The following WASHC5 variants were observed in gnomAD, a reference collection of about 807,000 sequenced individuals.
WASHC5 encodes the protein WASH complex subunit 5.
A neutral mutation model predicts 150.4 loss-of-function variants in WASHC5; 101 were observed. The ratio of observed to expected loss-of-function variants is 0.67; its 90% CI spans 0.57 to 0.79. The LOEUF is 0.79. Ranked by LOEUF, WASHC5 falls within the 30% of genes least tolerant of loss-of-function variation. The pLI, the probability that WASHC5 is intolerant of heterozygous loss-of-function variation, is 0.00. For synonymous variants in WASHC5, 467 were observed against 491.2 expected (o/e 0.95, Z 0.65); for missense variants, 1,195 against 1,396.3 (o/e 0.86, Z 2.30).
intron 26 of WASHC5, among the ~76,000 whole-genome samples, chr8:125,033,731 T>C (rs916412839): frequency 6.6e-6 from 1 of 151,996 alleles, no homozygotes; most frequent in Non-Finnish European, 1.5e-5. Flanking sequence ...GTGTTTTTAG[T>C]AGAGACGGGT....
chr8:125,076,424 T>C lies in WASHC5; in HGVS notation c.788A>G (p.Tyr263Cys), dbSNP rs202223127. 2.5e-6 allele frequency: 4 copies of C among 1,613,908 alleles called. No individual in the cohort carries two copies. The highest frequency in any genetic ancestry group is 3.4e-6 in the Non-Finnish European group (4 of 1,179,954). Residue 263 changes from tyrosine (Y) to cysteine (C), a missense_variant, in exon 7 of 29, where the codon TAC (tyrosine) becomes TGC (cysteine). This residue lies in a region of WASHC5 where 997 missense variants were observed against 1,168.1 expected (regional missense o/e 0.85). Transcript: ENST00000318410. ...NQAAMLYVIL[Y>C]FEPSILHTHQ... ...GGTGTGAAGGATGGAAGGCTCAAAGTAGAGAATCACGTACAGCATGGCAGC... is the reference window on the plus strand; with the variant it reads ...GGTGTGAAGGATGGAAGGCTCAAAGCAGAGAATCACGTACAGCATGGCAGC...
chr8:125,055,919 A>C (rs909740126), intron 16 of WASHC5, among the ~76,000 whole-genome samples: 1 of 152,184 alleles, frequency 6.6e-6, no homozygotes, highest in African/African-American at 2.4e-5. Flanking sequence ...CATGTCTAAA[A>C]TTTGGGGCAG....
At chr8:125,037,175 TTTAG>T (rs1428683644) in intron 26 of WASHC5, 58 bp downstream of exon 26, 4 of 939,550 alleles carry the variant, frequency 4.3e-6, no homozygotes, top group Non-Finnish European at 7.0e-6. Flanking sequence ...CAAAAAGCTA[TTTAG>T]TTAAATGTTA....
intron 18 of WASHC5, among the ~76,000 whole-genome samples, 195 bp from the exon 19 acceptor site, chr8:125,049,380 G>A (rs1053553171): frequency 6.6e-6 from 1 of 150,866 alleles, no homozygotes; most frequent in Non-Finnish European, 1.5e-5. Flanking sequence ...CCAACGTTGC[G>A]AAACCCTGAC....
At chr8:125,034,730 ACAAGTGATCCTGAATAACCTAACCTAG>A (rs1815648491) in intron 26 of WASHC5, among the ~76,000 whole-genome samples, 1 of 152,194 alleles carries the variant, frequency 6.6e-6, no homozygotes, top group South Asian at 2.1e-4. Flanking sequence ...AGAAGCCTAA[ACAAGTGATCCTGAATAACCTAACCTAG>A]GCCTTGGCAA....
At position 125,076,470 on chromosome 8, in the gene WASHC5, T is replaced by G; in HGVS notation, c.742A>C (p.Ser248Arg). 2 of 1,614,030 alleles carry G rather than the reference T, an allele frequency of 1.2e-6. No individual in the cohort carries two copies. Among genetic ancestry groups the G allele is most frequent in the Non-Finnish European group, 1.7e-6 (2 of 1,179,962 alleles). The part of the protein sequence containing the change: ...VSAYPLPEHR[S>R]TALANQAAML... The stretch of plus-strand genomic sequence containing the variant: ...GCAGCTTGGTTTGCCAGGGCTGTGC[T>G]GCGATGCTCCGGCAAAGGATACGCT... The change falls in exon 7 of 29, where the codon AGC (serine) becomes CGC (arginine). Residue 248 changes from serine (S) to arginine (R), a missense_variant. Coordinates refer to ENST00000318410, the MANE Select transcript of WASHC5 (RefSeq NM_014846.4).
chr8:125,083,933 TG>T lies in WASHC5; in HGVS notation c.-36del. On this transcript the variant is annotated 5_prime_UTR_variant, in exon 2 of 29. Transcript: ENST00000318410. ...GACCGACTACTCTGTGCCTGGACAC[TG>T]GGGATGATTAACTGGCCTCAGAGCT... The T allele has an allele frequency of 6.3e-7, 1 of 1,599,458 alleles. No homozygotes were observed. The highest frequency in any genetic ancestry group is 8.6e-7 in the Non-Finnish European group (1 of 1,169,192).
At chr8:125,079,135 T>TATATATATATATATATATACATAC in intron 5 of WASHC5, among the ~76,000 whole-genome samples, 1 of 117,486 alleles carries the variant, frequency 8.5e-6, no homozygotes, top group South Asian at 3.0e-4. Flanking sequence ...TATATATATA[T>TATATATATATATATATATACATAC]ATATACATTT....
chr8:125,082,739 T>C (rs908334017), intron 3 of WASHC5: 4 of 418,044 alleles, frequency 9.6e-6, no homozygotes, highest in Non-Finnish European at 1.7e-5. Context: ...ACATGGAATA[T>C]CTAGTCTAAA....
intron 23 of WASHC5, among the ~76,000 whole-genome samples, chr8:125,042,894 T>C (rs1048660533): frequency 2.6e-5 from 4 of 152,168 alleles, no homozygotes; most frequent in Admixed American, 6.6e-5. Flanking sequence ...ACCAAAATTA[T>C]GGGAAATATA....
intron 10 of WASHC5, among the ~76,000 whole-genome samples, chr8:125,065,144 T>A (rs1208653505): frequency 6.6e-6 from 1 of 152,108 alleles, no homozygotes; most frequent in Non-Finnish European, 1.5e-5. Context: ...AATTAGGAAA[T>A]GTGCTGTCAT....
intron 17 of WASHC5, among the ~76,000 whole-genome samples, chr8:125,054,337 G>A (rs956742021): frequency 2.6e-5 from 4 of 152,218 alleles, no homozygotes; most frequent in African/African-American, 9.6e-5. Flanking sequence ...ATATGGTTGA[G>A]ATAAATCAAA....
At chr8:125,084,126 G>C (rs1471907564) in intron 1 of WASHC5, 104 bp from the exon 2 acceptor site, 1 of 528,682 alleles carries the variant, frequency 1.9e-6, no homozygotes, top group South Asian at 2.1e-5. Context: ...AAAATTTTAA[G>C]AAATAATGAG....
chr8:125,030,637 T>TAAAAA (rs71295816), intron 27 of WASHC5, among the ~76,000 whole-genome samples: 2 of 52,788 alleles, frequency 3.8e-5, no homozygotes, highest in Non-Finnish European at 7.2e-5. Flanking sequence ...CTCTTTCTCA[T>TAAAAA]AAAAAAAAAA....
intron 9 of WASHC5, among the ~76,000 whole-genome samples, chr8:125,071,560 C>T (rs1326265971): frequency 6.6e-6 from 1 of 152,152 alleles, no homozygotes; most frequent in Non-Finnish European, 1.5e-5. Context: ...CTTTTTGCTT[C>T]AAAACCTCAT....
chr8:125,083,585 G>A, intron 2 of WASHC5, 128 bp downstream of exon 2: 1 of 725,950 alleles, frequency 1.4e-6, no homozygotes, highest in South Asian at 1.8e-5. Context: ...CTAATATTAA[G>A]TTTAGTCGAA....
intron 26 of WASHC5, 134 bp downstream of exon 26, chr8:125,037,103 C>T (rs973337190): frequency 2.7e-5 from 18 of 668,352 alleles, no homozygotes; most frequent in East Asian, 1.1e-4. Context: ...CATAAAGACT[C>T]GAATTTCATA....
At chr8:125,040,863 T>G (rs921715666) in intron 23 of WASHC5, 2 of 152,218 alleles carry the variant, frequency 1.3e-5, no homozygotes, top group Non-Finnish European at 2.9e-5. Flanking sequence ...AATATAGCCT[T>G]GGACCCCTTT....
Position 125,056,715 on chromosome 8 carries a change from TGTC to T in WASHC5, c.1975_1977del (p.Asp659del), listed in dbSNP as rs1386910049. 1 of 1,614,138 alleles carries T rather than the reference TGTC, an allele frequency of 6.2e-7. No homozygotes were observed. Among genetic ancestry groups the T allele is most frequent in the Non-Finnish European group, 8.5e-7 (1 of 1,180,020 alleles). The stretch of plus-strand genomic sequence containing the variant: ...CCTAGCTGAGCATAGTCCCTCAGCT[TGTC>T]TTTGTCCAGGCGGGTAGGCACTTCA... On this transcript the variant is annotated inframe_deletion, in exon 16 of 29. Coordinates refer to ENST00000318410, the MANE Select transcript of WASHC5 (RefSeq NM_014846.4).
Sources: gnomAD v4.1 joint callset for allele counts (sites outside exome capture counted in the v4.1 genomes callset) on GRCh38, gnomAD v4.1.1 for gene constraint, gnomAD v4.1.1 regional missense constraint, MANE v1.5 for transcripts, NCBI Gene and HGNC (gene_info 2026-07-23, HGNC 2026-07-21) for gene names.